The following NCALD variants were observed in gnomAD, a reference collection of about 807,000 sequenced individuals.
NCALD encodes the protein neurocalcin delta.
A neutral mutation model predicts 18.6 loss-of-function variants in NCALD; 10 were observed. The observed-to-expected ratio is 0.54, with a 90% confidence interval of 0.33 to 0.91. The LOEUF is 0.91. Among genes scored for constraint, NCALD ranks in the 40% least tolerant of loss-of-function variants. The pLI is 0.03. For missense variants in NCALD, 184 were observed against 247.6 expected, an observed-to-expected ratio of 0.74 and a Z score of 1.72; for synonymous variants, 88 against 87.4, an observed-to-expected ratio of 1.01 and a Z score of -0.04.
intron 1 of NCALD, among the ~76,000 whole-genome samples, chr8:101,766,744 T>C (rs562225598): frequency 6.6e-6 from 1 of 152,196 alleles, no homozygotes; most frequent in East Asian, 1.9e-4. Context: ...GCCTGGCTAA[T>C]TGTTTTGTAT....
intron 4 of NCALD, among the ~76,000 whole-genome samples, chr8:101,801,743 T>G (rs1056716364): frequency 7.5e-6 from 1 of 132,712 alleles, no homozygotes; most frequent in African/African-American, 2.7e-5. Context: ...CTCGGCTCAC[T>G]GCAAGCTCCG....
At chr8:101,923,394 G>T (rs1818232787) in intron 2 of NCALD, among the ~76,000 whole-genome samples, 1 of 152,212 alleles carries the variant, frequency 6.6e-6, no homozygotes, top group Non-Finnish European at 1.5e-5. Context: ...GAAGTCTAGG[G>T]TCTAACCCCA....
chr8:101,693,203 T>C (rs1312270342), intron 2 of NCALD: 2 of 284,152 alleles, frequency 7.0e-6, no homozygotes, highest in African/African-American at 4.5e-5. Flanking sequence ...CAGGCTGGAG[T>C]GTAGTGGCAC....
Position 101,712,733 on chromosome 8 carries a change from A to G in NCALD, c.378+6519T>C, listed in dbSNP as rs188430491. ...CAATGCAACAAGAAGAGCTAGCTATACTAAATATATATGCACCCAATACAG... is the reference window on the plus strand; with the variant it reads ...CAATGCAACAAGAAGAGCTAGCTATGCTAAATATATATGCACCCAATACAG... On this transcript the variant is annotated intron_variant, in intron 2 of 3. Coordinates refer to ENST00000220931, the MANE Select transcript of NCALD (RefSeq NM_032041.3). 3.4e-3 allele frequency among the ~76,000 whole-genome samples: 522 copies of G among 152,222 alleles called. 4 individuals carry two copies. Among genetic ancestry groups the G allele is most frequent in the African/African-American group, 0.012 (482 of 41,530 alleles).
At chr8:101,773,694 G>A (rs1373625544) in intron 1 of NCALD, among the ~76,000 whole-genome samples, 1 of 152,202 alleles carries the variant, frequency 6.6e-6, no homozygotes, top group Non-Finnish European at 1.5e-5. Flanking sequence ...CTCTCTAGCT[G>A]ATTCTTATGT....
intron 3 of NCALD, among the ~76,000 whole-genome samples, chr8:101,914,277 T>C (rs1384863709): frequency 2.6e-5 from 4 of 152,192 alleles, no homozygotes; most frequent in African/African-American, 9.7e-5. Context: ...GTCTTATGCT[T>C]TTCTCATAAT....
intron 1 of NCALD, among the ~76,000 whole-genome samples, chr8:102,032,644 A>G (rs1007348404): frequency 7.4e-5 from 11 of 148,580 alleles, no homozygotes; most frequent in African/African-American, 2.7e-4. Context: ...AAAAAAAAAG[A>G]GGACTGAGGA....
intron 4 of NCALD, among the ~76,000 whole-genome samples, chr8:101,875,085 C>T (rs996137571): frequency 3.9e-5 from 6 of 152,118 alleles, no homozygotes; most frequent in Non-Finnish European, 7.3e-5. Context: ...TGCTATGTGC[C>T]GGGAAGTAGT....
chr8:101,762,369 G>A (rs2130841244), intron 1 of NCALD, among the ~76,000 whole-genome samples: 1 of 152,190 alleles, frequency 6.6e-6, no homozygotes, highest in Non-Finnish European at 1.5e-5. Flanking sequence ...CCTTATAAAG[G>A]AAATCTCCAA....
chr8:102,075,490 G>A (rs943760933), intron 1 of NCALD, among the ~76,000 whole-genome samples: 1 of 152,142 alleles, frequency 6.6e-6, no homozygotes, highest in Non-Finnish European at 1.5e-5. Context: ...ATAGAATTAT[G>A]TAGGTCTGAT....
At chr8:102,010,639 G>A (rs1285058337) in intron 2 of NCALD, among the ~76,000 whole-genome samples, 1 of 152,186 alleles carries the variant, frequency 6.6e-6, no homozygotes, top group Non-Finnish European at 1.5e-5. Context: ...AAACCAGGAA[G>A]AGTAAAAGGA....
chr8:101,839,074 A>G (rs1170124221), intron 4 of NCALD, among the ~76,000 whole-genome samples: 2 of 152,210 alleles, frequency 1.3e-5, no homozygotes, highest in African/African-American at 2.4e-5. Context: ...AGTGCCAGTC[A>G]AATGTCAGAA....
chr8:102,071,591 T>G (rs887583298), intron 1 of NCALD, among the ~76,000 whole-genome samples: 1 of 152,198 alleles, frequency 6.6e-6, no homozygotes, highest in African/African-American at 2.4e-5. Context: ...TAATTATATA[T>G]CTAGCAAATC....
intron 1 of NCALD, chr8:101,779,839 GTTT>G (rs1038187872): frequency 6.6e-6 from 1 of 151,880 alleles, no homozygotes; most frequent in Non-Finnish European, 1.5e-5. Context: ...ATGAAACAAT[GTTT>G]TTTTAAGTTA....
At chr8:101,839,772 T>C (rs973781608) in intron 4 of NCALD, among the ~76,000 whole-genome samples, 3 of 151,926 alleles carry the variant, frequency 2.0e-5, no homozygotes, top group Non-Finnish European at 4.4e-5. Flanking sequence ...CTTCCTTATG[T>C]CAATCATGGC....
chr8:101,815,835 C>A (rs1341693940), intron 4 of NCALD, among the ~76,000 whole-genome samples: 1 of 152,122 alleles, frequency 6.6e-6, no homozygotes, highest in African/African-American at 2.4e-5. Flanking sequence ...CAAACAAAAA[C>A]CTGTACACAG....
chr8:101,930,168 T>C (rs762661446), intron 2 of NCALD, among the ~76,000 whole-genome samples: 30 of 152,162 alleles, frequency 2.0e-4, no homozygotes, highest in Non-Finnish European at 3.8e-4. Flanking sequence ...AACTAAAGAA[T>C]AGCTTAGCAT....
chr8:101,794,302 C>T (rs1812553375), upstream of NCALD, among the ~76,000 whole-genome samples: 3 of 152,132 alleles, frequency 2.0e-5, no homozygotes, highest in Admixed American at 2.0e-4. Flanking sequence ...AGTGAATCCT[C>T]AATCCATGTT....
chr8:102,013,974 C>A (rs1435215055), intron 2 of NCALD, among the ~76,000 whole-genome samples: 5 of 152,146 alleles, frequency 3.3e-5, no homozygotes, highest in Non-Finnish European at 7.3e-5. Flanking sequence ...GAGCTCTTGG[C>A]AAGAAGCTTG....
Sources: allele counts gnomAD v4.1 joint callset (sites outside exome capture counted in the v4.1 genomes callset), GRCh38; gene constraint gnomAD v4.1.1; transcripts MANE v1.5; gene names NCBI Gene and HGNC (gene_info 2026-07-23, HGNC 2026-07-21).